The following PUDP variants were observed in gnomAD, a reference collection of about 807,000 sequenced individuals.
The protein encoded by PUDP is pseudouridine 5'-phosphatase.
In PUDP, 8 loss-of-function variants were observed where a neutral mutation model predicts 9.4. The observed-to-expected ratio is 0.85, with a 90% CI of 0.50 to 1.53. PUDP has a LOEUF of 1.53. Ranked by LOEUF, PUDP falls within the 40% of genes most tolerant of loss-of-function variation. PUDP has a pLI of 0.00. For missense variants in PUDP, 188 were observed against 189.7 expected (o/e 0.99, Z 0.05); for synonymous variants, 99 against 80.7 (o/e 1.23, Z -1.22).
In PUDP at chrX:7,105,634, G is replaced by A. The variant is rs377115976; in HGVS notation, c.266C>T (p.Ala89Val). The A allele has an allele frequency of 1.2e-5, 14 of 1,206,719 alleles. No homozygotes were observed. The highest frequency in any genetic ancestry group is 2.2e-5 in the Admixed American group (1 of 45,746). ...GGCAACCGCACCTGGCATGAGCGCA[G>A]CCGTGGGGAACACTTCCTTTAACTT... ...QTKLKEVFPT[A>V]ALMPGAEKLI... Residue 89 changes from alanine to valine, a missense_variant, in exon 2 of 4, where the codon GCT becomes GTT. By Grantham distance (64) the Ala-to-Val change is moderately conservative. Transcript: ENST00000381077.
upstream of PUDP, among the ~76,000 whole-genome samples, chrX:6,722,637 C>T (rs959353460): frequency 2.7e-5 from 3 of 111,215 alleles, no homozygotes; most frequent in Non-Finnish European, 5.7e-5. Flanking sequence ...TTGGAAACTA[C>T]GCTAAAAGAT....
At chrX:6,714,302 T>C (rs1044207290) in intron 1 of PUDP, among the ~76,000 whole-genome samples, 7 of 111,437 alleles carry the variant, frequency 6.3e-5, no homozygotes, top group African/African-American at 2.3e-4. Context: ...CATTGGAAAA[T>C]TGAGGTAGGG....
chrX:6,725,421 T>C (rs1469717352), upstream of PUDP, among the ~76,000 whole-genome samples: 1 of 111,488 alleles, frequency 9.0e-6, no homozygotes, highest in Non-Finnish European at 1.9e-5. Flanking sequence ...CTAATATCTA[T>C]TATTTCACAC....
intron 2 of PUDP, among the ~76,000 whole-genome samples, chrX:7,092,122 C>G (rs1011043658): frequency 8.9e-6 from 1 of 112,831 alleles, no homozygotes; most frequent in East Asian, 2.8e-4. Context: ...TCTCCTTCTC[C>G]GTTTCACTTC....
intron 3 of PUDP, among the ~76,000 whole-genome samples, chrX:6,847,652 G>A (rs1390841032): frequency 8.9e-6 from 1 of 112,390 alleles, no homozygotes; most frequent in Non-Finnish European, 1.9e-5. Flanking sequence ...ACAATATCCA[G>A]TATTACACAA....
chrX:6,812,928 T>C (rs759161754), intron 3 of PUDP, among the ~76,000 whole-genome samples: 55 of 111,186 alleles, frequency 4.9e-4, no homozygotes, highest in African/African-American at 1.8e-3. Flanking sequence ...ACCCAGTCTC[T>C]ACAAAAAAAT....
chrX:6,961,426 G>C (rs745744420), intron 3 of PUDP, among the ~76,000 whole-genome samples: 1 of 111,046 alleles, frequency 9.0e-6, no homozygotes, highest in South Asian at 3.8e-4. Flanking sequence ...ATGTGTTGGT[G>C]TCTCCTCTCA....
chrX:6,837,380 C>A (rs917460869), intron 3 of PUDP, among the ~76,000 whole-genome samples: 1 of 112,908 alleles, frequency 8.9e-6, no homozygotes, highest in African/African-American at 3.2e-5. Context: ...ATGGAAGGGG[C>A]AGAATAGCCC....
At chrX:7,108,850 C>T (rs1183717243) in intron 1 of PUDP, among the ~76,000 whole-genome samples, 7 of 111,769 alleles carry the variant, frequency 6.3e-5, no homozygotes, top group Non-Finnish European at 1.3e-4. Context: ...CTGCGCCTGG[C>T]CACAAGCTGT....
chrX:7,131,276 T>C (rs1322920929), intron 1 of PUDP, among the ~76,000 whole-genome samples: 8 of 111,652 alleles, frequency 7.2e-5, no homozygotes, highest in African/African-American at 2.6e-4. Context: ...ATTCCAACCC[T>C]GTGGGTCCTT....
chrX:6,761,447 G>A (rs1040234853), intron 3 of PUDP, among the ~76,000 whole-genome samples: 1 of 111,753 alleles, frequency 8.9e-6, no homozygotes, highest in Admixed American at 9.5e-5. Flanking sequence ...CTTTACACAT[G>A]GCCACACCCC....
chrX:6,890,764 C>T (rs761303320), intron 3 of PUDP, among the ~76,000 whole-genome samples: 2 of 107,996 alleles, frequency 1.9e-5, no homozygotes, highest in African/African-American at 6.8e-5. Context: ...GTGGAGTCCA[C>T]GTGAATAAAT....
intron 1 of PUDP, among the ~76,000 whole-genome samples, chrX:7,000,613 T>C (rs1929312513): frequency 9.2e-6 from 1 of 108,117 alleles, no homozygotes; most frequent in East Asian, 2.8e-4. Flanking sequence ...AATATATAAA[T>C]AGAAACAAAT....
intron 3 of PUDP, among the ~76,000 whole-genome samples, chrX:6,726,669 A>G (rs1924741828): frequency 8.9e-6 from 1 of 111,868 alleles, no homozygotes; most frequent in African/African-American, 3.2e-5. Flanking sequence ...GCACACAGTT[A>G]TAGAAATGTC....
intron 3 of PUDP, among the ~76,000 whole-genome samples, chrX:7,062,533 T>C (rs1274764993): frequency 9.0e-6 from 1 of 111,213 alleles, no homozygotes; most frequent in Non-Finnish European, 1.9e-5. Context: ...AGCTACTGGC[T>C]GCACTCCAGT....
At chrX:7,094,387 C>T (rs753974444) in intron 2 of PUDP, among the ~76,000 whole-genome samples, 6 of 100,371 alleles carry the variant, frequency 6.0e-5, no homozygotes, top group Non-Finnish European at 1.0e-4. Flanking sequence ...GACGGAGTCT[C>T]GCTCCATTGC....
intron 1 of PUDP, among the ~76,000 whole-genome samples, chrX:6,996,021 C>G (rs1037432881): frequency 3.6e-5 from 4 of 110,009 alleles, no homozygotes. Context: ...TCCTGATTCC[C>G]AATACAATAC....
intron 3 of PUDP, among the ~76,000 whole-genome samples, chrX:6,971,485 C>T (rs1468877524): frequency 1.9e-5 from 2 of 105,402 alleles, no homozygotes; most frequent in East Asian, 6.0e-4. Flanking sequence ...GGCGCAATCT[C>T]GGCTCACTGC....
intron 3 of PUDP, among the ~76,000 whole-genome samples, chrX:6,809,473 T>C (rs984494053): frequency 9.2e-6 from 1 of 108,970 alleles, no homozygotes; most frequent in Non-Finnish European, 1.9e-5. Flanking sequence ...ATTGATTTTT[T>C]TTTGTAGCAA....
Sources: gnomAD v4.1 joint callset for allele counts (sites outside exome capture counted in the v4.1 genomes callset) on GRCh38, gnomAD v4.1.1 for gene constraint, MANE v1.5 for transcripts, NCBI Gene and HGNC (gene_info 2026-07-23, HGNC 2026-07-21) for gene names.